NCOA7: variants seen among roughly 807,000 people sequenced by gnomAD.
NCOA7 encodes nuclear receptor coactivator 7.
NCOA7 carries 45 observed loss-of-function variants against 104.3 expected under a neutral mutation model. That is an observed-to-expected ratio of 0.43 (90% CI 0.34 to 0.55). The LOEUF is 0.55. Ranked by LOEUF, NCOA7 falls within the 20% of genes least tolerant of loss-of-function variation. The pLI is 0.02. For missense variants in NCOA7, 1,041 were observed against 1,119.7 expected (o/e 0.93, Z 1.00); for synonymous variants, 398 against 402.3 (o/e 0.99, Z 0.13).
intron 10 of NCOA7, among the ~76,000 whole-genome samples, chr6:125,893,720 A>C (rs1374348528): frequency 6.6e-6 from 1 of 152,186 alleles, no homozygotes; most frequent in Non-Finnish European, 1.5e-5. Context: ...AGTTTTAGAT[A>C]CTAGAAATTA....
chr6:125,796,229 C>T (rs979207731), intron 1 of NCOA7, among the ~76,000 whole-genome samples: 18 of 151,854 alleles, frequency 1.2e-4, no homozygotes, highest in South Asian at 8.3e-4. Flanking sequence ...GCAAAATTGA[C>T]GTTCTGGTAA....
chr6:125,784,474 T>G (rs916576307), intron 1 of NCOA7, among the ~76,000 whole-genome samples: 8 of 152,234 alleles, frequency 5.3e-5, no homozygotes, highest in Admixed American at 5.2e-4. Flanking sequence ...GAAAATAGTT[T>G]GGCAGTTTCT....
intron 1 of NCOA7, among the ~76,000 whole-genome samples, chr6:125,813,115 C>A (rs1351625604): frequency 6.6e-6 from 1 of 152,236 alleles, no homozygotes; most frequent in South Asian, 2.1e-4. Context: ...CCTCTGGTGG[C>A]GCCCTTCCAT....
In NCOA7 at chr6:125,889,099, G is replaced by A. The variant is rs776243987; in HGVS notation, c.1045G>A (p.Val349Ile). The A allele has an allele frequency of 1.9e-6, 3 of 1,614,102 alleles. No homozygotes were observed. The highest frequency in any genetic ancestry group is 2.5e-6 in the Non-Finnish European group (3 of 1,179,998). ...KIMTSDSRPI[V>I]PLEKSTGHTP... ...TATGACTTCGGATTCCAGACCAATAGTACCTTTGGAGAAGTCCACAGGACA... is the reference window on the plus strand; with the variant it reads ...TATGACTTCGGATTCCAGACCAATAATACCTTTGGAGAAGTCCACAGGACA... The change falls in exon 9 of 16, where the codon GTA becomes ATA. Residue 349 changes from valine (V) to isoleucine (I), a missense_variant. Physicochemically the swap from Val to Ile is conservative, Grantham distance 29 (BLOSUM62 3). This residue lies in a region of NCOA7 where 914 missense variants were observed against 942.7 expected (regional missense o/e 0.97). Transcript: ENST00000392477.
chr6:125,928,111 T>C, intron 14 of NCOA7, 63 bp from the exon 15 acceptor site: 1 of 1,428,152 alleles, frequency 7.0e-7, no homozygotes, highest in Admixed American at 1.8e-5. Context: ...CTATTTCATA[T>C]TTCCTCATTG....
At chr6:125,833,568 G>A (rs1322013228) in intron 2 of NCOA7, among the ~76,000 whole-genome samples, 1 of 118,120 alleles carries the variant, frequency 8.5e-6, no homozygotes, top group Non-Finnish European at 1.6e-5. Flanking sequence ...GCAAGATTCT[G>A]TCAAAAGAAA....
At position 125,889,354 on chromosome 6, in the gene NCOA7, G is replaced by A. The variant is rs773092760; in HGVS notation, c.1300G>A (p.Asp434Asn). 7 of 1,613,986 alleles carry A rather than the reference G, an allele frequency of 4.3e-6. No individual in the cohort carries two copies. The African/African-American group carries it at 6.7e-5, about 15-fold the overall frequency. Residue 434 changes from aspartate (D) to asparagine (N), a missense_variant, in exon 9 of 16, where the codon GAC becomes AAC. Coordinates refer to ENST00000392477, the MANE Select transcript of NCOA7 (RefSeq NM_181782.5). ...SQTGGGMHKK[D>N]TLKECLSLDP... ...AACTGGTGGTGGAATGCACAAAAAA[G>A]ACACCTTGAAGGAGTGCCTTTCTCT...
chr6:125,893,145 A>G (rs1312743609), intron 10 of NCOA7, among the ~76,000 whole-genome samples: 3 of 152,214 alleles, frequency 2.0e-5, no homozygotes, highest in Non-Finnish European at 4.4e-5. Context: ...TAATTTCTGG[A>G]TTCCCTTGCT....
At chr6:125,846,027 T>G (rs1780575459) in intron 2 of NCOA7, among the ~76,000 whole-genome samples, 3 of 152,176 alleles carry the variant, frequency 2.0e-5, no homozygotes, top group Admixed American at 2.0e-4. Context: ...AGGAGAAAGT[T>G]TGTATGAAAG....
In NCOA7 at chr6:125,918,176, A is replaced by C. The variant is rs139711467; in HGVS notation, c.2244+2696A>C. Among the ~76,000 whole-genome samples, 25 of 152,176 alleles carry C rather than the reference A, an allele frequency of 1.6e-4. No individual in the cohort carries two copies. The East Asian group carries it at 2.7e-3, about 16-fold the overall frequency. On this transcript the variant is annotated intron_variant, in intron 11 of 15. Coordinates refer to ENST00000392477, the MANE Select transcript of NCOA7 (RefSeq NM_181782.5). ...GATCCCAAGATTTTATTTTCCTTTT[A>C]CAATCACATGGAATGGCACCCATTT...
chr6:125,785,476 A>G (rs888649511), intron 1 of NCOA7, among the ~76,000 whole-genome samples: 1 of 152,244 alleles, frequency 6.6e-6, no homozygotes, highest in Non-Finnish European at 1.5e-5. Flanking sequence ...ACTTCCCTGT[A>G]CATTTTTTAC....
intron 3 of NCOA7, among the ~76,000 whole-genome samples, chr6:125,871,163 G>C (rs1453490364): frequency 6.6e-6 from 1 of 152,214 alleles, no homozygotes; most frequent in African/African-American, 2.4e-5. Flanking sequence ...GGGAGGGTGA[G>C]AATTTGGGTA....
At chr6:125,812,335 C>A (rs142536947) in intron 1 of NCOA7, among the ~76,000 whole-genome samples, 77 of 152,292 alleles carry the variant, frequency 5.1e-4, no homozygotes, top group African/African-American at 1.8e-3. Flanking sequence ...AACTTCACAT[C>A]TTTTGGATTC....
intron 1 of NCOA7, among the ~76,000 whole-genome samples, chr6:125,810,697 C>A (rs905155497): frequency 1.3e-5 from 2 of 152,138 alleles, no homozygotes; most frequent in Non-Finnish European, 2.9e-5. Context: ...GTGTGGTGTT[C>A]TGTGCAAATC....
At chr6:125,915,564 G>C in intron 11 of NCOA7, 84 bp downstream of exon 11, 2 of 1,535,320 alleles carry the variant, frequency 1.3e-6, no homozygotes, top group South Asian at 1.1e-5. Flanking sequence ...TAACAGGCTG[G>C]TAAGAAACTA....
At chr6:125,856,587 C>T (rs1033476991) in intron 3 of NCOA7, among the ~76,000 whole-genome samples, 19 of 152,062 alleles carry the variant, frequency 1.2e-4, no homozygotes, top group African/African-American at 4.6e-4. Flanking sequence ...CTCTTGACCT[C>T]GTGATCTAAG....
chr6:125,922,861 T>C (rs1787709282), intron 13 of NCOA7, 27 bp downstream of exon 13: 1 of 1,600,620 alleles, frequency 6.2e-7, no homozygotes, highest in Admixed American at 1.7e-5. Context: ...TCATAAAGAA[T>C]ATTTTTTAAT....
chr6:125,809,355 G>A (rs1213494723), intron 1 of NCOA7, among the ~76,000 whole-genome samples: 1 of 152,006 alleles, frequency 6.6e-6, no homozygotes, highest in African/African-American at 2.4e-5. Flanking sequence ...GCTACTTTTT[G>A]TGTTTTTAGT....
intron 3 of NCOA7, among the ~76,000 whole-genome samples, chr6:125,868,203 C>G (rs1782596411): frequency 6.6e-6 from 1 of 152,128 alleles, no homozygotes; most frequent in Non-Finnish European, 1.5e-5. Context: ...TCAAAATGAT[C>G]AGATTCTTTT....
Sources: gnomAD v4.1 joint callset for allele counts (sites outside exome capture counted in the v4.1 genomes callset) on GRCh38, gnomAD v4.1.1 for gene constraint, gnomAD v4.1.1 regional missense constraint, MANE v1.5 for transcripts, NCBI Gene and HGNC (gene_info 2026-07-23, HGNC 2026-07-21) for gene names.